Variants in EHD2 observed in about 807,000 individuals in gnomAD.
EHD2 encodes the protein EH domain containing 2.
EHD2 carries 27 observed loss-of-function variants against 41.0 expected under a neutral mutation model. That is an observed-to-expected ratio of 0.66 (90% CI 0.49 to 0.91). The LOEUF (loss-of-function observed/expected upper bound fraction) is 0.91. Among genes scored for constraint, EHD2 ranks in the 40% least tolerant of loss-of-function variants. The pLI, the probability that EHD2 is intolerant of heterozygous loss-of-function variation, is 0.00. For synonymous variants in EHD2, 342 were observed against 341.0 expected (o/e 1.00, Z -0.03); for missense variants, 673 against 773.9 (o/e 0.87, Z 1.55).
At chr19:47,729,424 T>G (rs1270289277) in intron 4 of EHD2, among the ~76,000 whole-genome samples, 1 of 151,646 alleles carries the variant, frequency 6.6e-6, no homozygotes, top group African/African-American at 2.4e-5. Flanking sequence ...TTTTGGAGGG[T>G]GGATTCAAGG....
intron 4 of EHD2, among the ~76,000 whole-genome samples, chr19:47,735,762 G>A (rs987671343): frequency 2.0e-5 from 3 of 151,988 alleles, no homozygotes; most frequent in African/African-American, 4.8e-5. Context: ...AAAATTAGCC[G>A]GGTGTGGTGG....
Position 47,741,455 on chromosome 19 carries a change from T to G in EHD2, c.*23T>G. On this transcript the variant is annotated 3_prime_UTR_variant, in exon 6 of 6. Transcript: ENST00000263277. This position sits in a 1 kb window ranked among gnomAD's most constrained non-coding sequence, Gnocchi z 4.5. The stretch of plus-strand genomic sequence containing the variant: ...TGAGCCGGCCCCCCTCCCATGGCCC[T>G]GCTGTGGCTCCCCAGCTCCAGTCGG... The G allele has an allele frequency of 6.5e-7, 1 of 1,548,514 alleles. No homozygotes were observed. Among genetic ancestry groups the G allele is most frequent in the South Asian group, 1.2e-5 (1 of 85,810 alleles).
At chr19:47,720,752 G>A (rs577440957) in intron 3 of EHD2, among the ~76,000 whole-genome samples, 8 of 152,116 alleles carry the variant, frequency 5.3e-5, no homozygotes, top group South Asian at 2.1e-4. Context: ...TGCATGGGGC[G>A]GTCAGGGCTG....
chr19:47,721,518 C>T (rs1653355909), intron 3 of EHD2, among the ~76,000 whole-genome samples: 2 of 151,718 alleles, frequency 1.3e-5, no homozygotes, highest in African/African-American at 4.8e-5. Context: ...GTTTCGCCGT[C>T]TTAGCCAGGC....
chr19:47,738,147 G>T (rs1230456915), intron 5 of EHD2, among the ~76,000 whole-genome samples: 2 of 151,882 alleles, frequency 1.3e-5, no homozygotes, highest in Non-Finnish European at 2.9e-5. Flanking sequence ...CTCCCAAAGT[G>T]CTGGGATTAT....
intron 3 of EHD2, among the ~76,000 whole-genome samples, chr19:47,720,056 G>A (rs560812591): frequency 9.2e-5 from 14 of 151,790 alleles, no homozygotes; most frequent in African/African-American, 2.2e-4. Context: ...AGCAGTGGAC[G>A]TGCCTCATTG....
intron 4 of EHD2, among the ~76,000 whole-genome samples, chr19:47,726,618 T>TCCTCTCTC (rs1297019423): frequency 6.6e-6 from 1 of 151,156 alleles, no homozygotes; most frequent in African/African-American, 2.4e-5. Context: ...CTTCCTCTGT[T>TCCTCTCTC]CCTCTCTCCC....
At chr19:47,717,088 C>T (rs1433999331) in intron 2 of EHD2, 72 bp downstream of exon 2, 13 of 1,580,834 alleles carry the variant, frequency 8.2e-6, no homozygotes, top group African/African-American at 2.7e-5. Context: ...GCTCTTTTCG[C>T]CCAGGCTGGA....
Position 47,723,305 on chromosome 19 carries a change from G to A in EHD2, c.503-2507G>A, listed in dbSNP as rs956231779. On this transcript the variant is annotated intron_variant, in intron 3 of 5. Coordinates refer to ENST00000263277, the MANE Select transcript of EHD2 (RefSeq NM_014601.4). Reference sequence around the variant, plus strand: ...CACCATGACTTGCTGAGTGCTTACCGTACATCCAGCACTGTTTTTAAAAAA... The same window carrying A: ...CACCATGACTTGCTGAGTGCTTACCATACATCCAGCACTGTTTTTAAAAAA... 2.0e-5 allele frequency among the ~76,000 whole-genome samples: 3 copies of A among 152,138 alleles called. No homozygotes were observed. The East Asian group carries it at 5.8e-4, about 29-fold the overall frequency.
intron 3 of EHD2, among the ~76,000 whole-genome samples, chr19:47,723,828 C>G (rs944395738): frequency 2.0e-5 from 3 of 151,820 alleles, no homozygotes; most frequent in Admixed American, 6.6e-5. Context: ...CAGATGCATG[C>G]CAACATGTGT....
chr19:47,725,264 C>T (rs1050557429), intron 3 of EHD2, among the ~76,000 whole-genome samples: 1 of 151,662 alleles, frequency 6.6e-6, no homozygotes, highest in Non-Finnish European at 1.5e-5. Flanking sequence ...AAATGGAGGC[C>T]GTGAGGCTGG....
intron 5 of EHD2, among the ~76,000 whole-genome samples, chr19:47,740,024 G>A (rs1427060399): frequency 6.6e-6 from 1 of 152,032 alleles, no homozygotes; most frequent in Non-Finnish European, 1.5e-5. Context: ...GTGCCCGAGC[G>A]GAACAGGTTG....
chr19:47,741,532 C>A lies in EHD2; in HGVS notation c.*100C>A. The A allele has an allele frequency of 7.3e-7, 1 of 1,366,256 alleles. No individual in the cohort carries two copies. The allele number at this position is 1,366,256 out of a possible 1,614,324, so 84.6% of individuals were successfully genotyped here. On this transcript the variant is annotated 3_prime_UTR_variant, in exon 6 of 6. Transcript: ENST00000263277. This position sits in a 1 kb window ranked among gnomAD's most constrained non-coding sequence, Gnocchi z 4.5. ...ACACACGCCCTGCCTGCCCTCCCTGCCCAGCTGTAAGGACCGGGGGTCTCC... is the reference window on the plus strand; with the variant it reads ...ACACACGCCCTGCCTGCCCTCCCTGACCAGCTGTAAGGACCGGGGGTCTCC...
chr19:47,717,075 T>C (rs1973637143), intron 2 of EHD2, 59 bp downstream of exon 2: 1 of 1,592,284 alleles, frequency 6.3e-7, no homozygotes, highest in East Asian at 2.2e-5. Context: ...AGACAGAGTT[T>C]CCGCTCTTTT....
At chr19:47,737,596 G>A (rs1428824528) in intron 5 of EHD2, among the ~76,000 whole-genome samples, 1 of 151,968 alleles carries the variant, frequency 6.6e-6, no homozygotes. Flanking sequence ...GGCAGAGGTT[G>A]CAGTGAGCTG....
chr19:47,717,906 TAAA>T (rs749665768), intron 2 of EHD2, among the ~76,000 whole-genome samples: 17 of 93,840 alleles, frequency 1.8e-4, no homozygotes, highest in Admixed American at 3.9e-4. Context: ...AGACTCTGTC[TAAA>T]AAAAAAAAAA....
At chr19:47,726,375 A>G (rs1182414596) in intron 4 of EHD2, 151 bp downstream of exon 4, 11 of 897,010 alleles carry the variant, frequency 1.2e-5, no homozygotes, top group African/African-American at 1.7e-5. Flanking sequence ...GCCGGGAGGA[A>G]GAACTGTATG....
chr19:47,713,716 CTCCTCCCACTCT>C (rs1228939546), intron 1 of EHD2, among the ~76,000 whole-genome samples, 178 bp downstream of exon 1: 8 of 151,368 alleles, frequency 5.3e-5, no homozygotes, highest in Non-Finnish European at 8.8e-5. Flanking sequence ...ACTCTTCCCA[CTCCTCCCACTCT>C]TCCTCCCACT....
rs773382872 is a variant in EHD2, at chr19:47,740,989, C to G, written c.1189C>G (p.Leu397Val). Residue 397 changes from leucine (L) to valine (V), a missense_variant, in exon 6 of 6, where the codon CTG becomes GTG. Leu to Val is a conservative substitution (Grantham distance 32, BLOSUM62 1). Transcript: ENST00000263277. ...CGACATCGCCAAGCTCATGCCCCTG[C>G]TGCGGCAGGAGGAGCTGGAGAGCAC... ...THDIAKLMPL[L>V]RQEELESTEV... The G allele has an allele frequency of 6.2e-7, 1 of 1,611,718 alleles. No individual in the cohort carries two copies. Among genetic ancestry groups the G allele is most frequent in the Non-Finnish European group, 8.5e-7 (1 of 1,179,918 alleles).
Sources: gnomAD v4.1 joint callset for allele counts (sites outside exome capture counted in the v4.1 genomes callset) on GRCh38, gnomAD v4.1.1 for gene constraint, Gnocchi (gnomAD v3.1) non-coding constraint, MANE v1.5 for transcripts, NCBI Gene and HGNC (gene_info 2026-07-23, HGNC 2026-07-21) for gene names.